Variants in CDH20 observed in about 807,000 individuals in gnomAD.
CDH20 encodes cadherin 20, also known as cadherin-20.
Under a neutral mutation model 74.2 loss-of-function variants are expected in CDH20, and 29 were observed. That is an observed-to-expected ratio of 0.39 (90% CI 0.29 to 0.53). The LOEUF (loss-of-function observed/expected upper bound fraction) is 0.53, where lower values mean the gene tolerates loss of function less well. CDH20 is among the 20% of genes least tolerant of loss of function. CDH20 has a pLI of 0.69. For missense variants in CDH20, 988 were observed against 1,048.3 expected, an observed-to-expected ratio of 0.94 and a Z score of 0.79; for synonymous variants, 469 against 405.4, an observed-to-expected ratio of 1.16 and a Z score of -1.88.
chr18:61,422,708 T>A (rs1486221978), intron 1 of CDH20, among the ~76,000 whole-genome samples: 1 of 151,654 alleles, frequency 6.6e-6, no homozygotes, highest in African/African-American at 2.4e-5. Context: ...ACTCACAGTA[T>A]ACAATATAAA....
At chr18:61,338,938 G>A (rs570462508) in intron 1 of CDH20, among the ~76,000 whole-genome samples, 27 of 151,934 alleles carry the variant, frequency 1.8e-4, no homozygotes, top group African/African-American at 6.3e-4. Flanking sequence ...GTGTTGATTT[G>A]GTTTTTAATA....
intron 1 of CDH20, among the ~76,000 whole-genome samples, chr18:61,357,303 G>A (rs1910525615): frequency 1.3e-5 from 2 of 152,174 alleles, no homozygotes; most frequent in Non-Finnish European, 2.9e-5. Flanking sequence ...ACTTTTAGCT[G>A]CATGAATCAG....
chr18:61,354,653 G>A (rs1003074983), intron 1 of CDH20, among the ~76,000 whole-genome samples: 9 of 151,904 alleles, frequency 5.9e-5, no homozygotes, highest in African/African-American at 1.9e-4. Flanking sequence ...TTTCAAATGA[G>A]TAGCTAAACT....
intron 1 of CDH20, among the ~76,000 whole-genome samples, chr18:61,405,872 T>G (rs1912313625): frequency 1.3e-5 from 2 of 152,184 alleles, no homozygotes; most frequent in Non-Finnish European, 2.9e-5. Context: ...CCTTCAAATA[T>G]CAGCATAACT....
intron 1 of CDH20, among the ~76,000 whole-genome samples, chr18:61,378,579 T>C (rs1599046174): frequency 1.3e-5 from 2 of 152,186 alleles, no homozygotes; most frequent in Admixed American, 1.3e-4. Context: ...TACTGGCTCA[T>C]ATTTTAATCT....
intron 1 of CDH20, among the ~76,000 whole-genome samples, chr18:61,489,942 A>T (rs1264786996): frequency 6.6e-6 from 1 of 152,186 alleles, no homozygotes; most frequent in Non-Finnish European, 1.5e-5. Context: ...CCAAAAAAAA[A>T]CAAGGTAGTT....
rs576849690 is a variant in CDH20, at chr18:61,401,244, T to C, written c.-153+67417T>C. ...TAATAAGCTTATTCCAGTTCCATCT[T>C]TTTTAAATTCCCAACCTATCCTTTG... On this transcript the variant is annotated intron_variant, in intron 1 of 11. Coordinates refer to ENST00000262717, the MANE Select transcript of CDH20 (RefSeq NM_031891.4). 2.0e-5 allele frequency among the ~76,000 whole-genome samples: 3 copies of C among 152,344 alleles called. No homozygotes were observed. In the East Asian group the frequency reaches 5.8e-4, roughly 29 times the overall value.
intron 1 of CDH20, among the ~76,000 whole-genome samples, chr18:61,440,908 C>T (rs923587935): frequency 6.6e-6 from 1 of 152,128 alleles, no homozygotes; most frequent in Non-Finnish European, 1.5e-5. Context: ...AGACTCTCTA[C>T]CTCTTGATGG....
intron 1 of CDH20, among the ~76,000 whole-genome samples, chr18:61,485,067 G>A (rs1910711192): frequency 6.6e-6 from 1 of 152,052 alleles, no homozygotes; most frequent in Non-Finnish European, 1.5e-5. Context: ...TGAGGAACTT[G>A]ATGGAGAAGG....
intron 1 of CDH20, among the ~76,000 whole-genome samples, chr18:61,449,988 T>C (rs1909326886): frequency 6.6e-6 from 1 of 151,898 alleles, no homozygotes; most frequent in East Asian, 1.9e-4. Context: ...AACTTGTATT[T>C]GTTGAATACT....
chr18:61,358,799 T>C (rs17747526), intron 1 of CDH20, among the ~76,000 whole-genome samples: 1 of 146,500 alleles, frequency 6.8e-6, no homozygotes, highest in East Asian at 1.9e-4. Context: ...ATAAGCATGA[T>C]TTTTTTGGTC....
At chr18:61,423,204 A>C (rs1912948359) in intron 1 of CDH20, among the ~76,000 whole-genome samples, 1 of 152,220 alleles carries the variant, frequency 6.6e-6, no homozygotes, top group Non-Finnish European at 1.5e-5. Context: ...TCAGCATCAA[A>C]GATGCAGAAG....
chr18:61,514,820 G>A (rs1911928640), intron 6 of CDH20, among the ~76,000 whole-genome samples: 1 of 152,090 alleles, frequency 6.6e-6, no homozygotes, highest in Admixed American at 6.5e-5. Context: ...TTGGGGGTCA[G>A]GGGTCAGGGA....
chr18:61,479,200 G>C (rs1341578776), intron 1 of CDH20, among the ~76,000 whole-genome samples: 1 of 151,506 alleles, frequency 6.6e-6, no homozygotes, highest in East Asian at 1.9e-4. Flanking sequence ...ATTGCAAGTA[G>C]AATATTTGCA....
At position 61,555,179 on chromosome 18, in the gene CDH20, T is replaced by G. The variant is rs986042967; in HGVS notation, c.*484T>G. 11 of 989,188 alleles carry G rather than the reference T, an allele frequency of 1.1e-5. No homozygotes were observed. In the African/African-American group the frequency reaches 1.9e-4, roughly 17 times the overall value. The allele number at this position is 989,188 out of a possible 1,614,324, so 61.3% of individuals were successfully genotyped here. A position where few individuals can be genotyped will look rare whatever the true frequency, so the allele number is the denominator to read the frequency against. The stretch of plus-strand genomic sequence containing the variant: ...CAACCCACAAGAAAGAACAAAAAAC[T>G]TGTTACTCAGTGAAATTAACCTACT... On this transcript the variant is annotated 3_prime_UTR_variant, in exon 12 of 12. Coordinates refer to ENST00000262717, the MANE Select transcript of CDH20 (RefSeq NM_031891.4).
At chr18:61,437,106 A>G (rs1908864403) in intron 1 of CDH20, among the ~76,000 whole-genome samples, 1 of 152,200 alleles carries the variant, frequency 6.6e-6, no homozygotes, top group South Asian at 2.1e-4. Flanking sequence ...TAATTGTTCA[A>G]CAGTCACAGT....
At chr18:61,491,777 T>C (rs1486423723) in intron 2 of CDH20, among the ~76,000 whole-genome samples, 1 of 152,108 alleles carries the variant, frequency 6.6e-6, no homozygotes, top group Non-Finnish European at 1.5e-5. Context: ...ACCTCTCTAC[T>C]GCCCAATCAC....
At chr18:61,391,706 A>T (rs1011437921) in intron 1 of CDH20, 1 of 152,314 alleles carries the variant, frequency 6.6e-6, no homozygotes, top group African/African-American at 2.4e-5. Context: ...ATATTTTTAC[A>T]AACCTGCACA....
chr18:61,449,599 T>C (rs984653254), intron 1 of CDH20, among the ~76,000 whole-genome samples: 10 of 152,114 alleles, frequency 6.6e-5, no homozygotes, highest in African/African-American at 2.4e-4. Flanking sequence ...AGCATAGTTG[T>C]ATGGCTTCCA....
Sources: gnomAD v4.1 joint callset for allele counts (sites outside exome capture counted in the v4.1 genomes callset) on GRCh38, gnomAD v4.1.1 for gene constraint, MANE v1.5 for transcripts, NCBI Gene and HGNC (gene_info 2026-07-23, HGNC 2026-07-21) for gene names.